The following TMEM144 variants were observed in gnomAD, a reference collection of about 807,000 sequenced individuals.
TMEM144 encodes transmembrane protein 144.
A neutral mutation model predicts 43.6 loss-of-function variants in TMEM144; 39 were observed. The observed-to-expected ratio is 0.90, with a 90% CI of 0.69 to 1.17. The LOEUF (loss-of-function observed/expected upper bound fraction) is 1.17, where lower values mean the gene tolerates loss of function less well. Ranked by LOEUF, TMEM144 falls within the 50% of genes most tolerant of loss-of-function variation. The pLI, the probability that TMEM144 is intolerant of heterozygous loss-of-function variation, is 0.00. For missense variants in TMEM144, 417 were observed against 411.9 expected, an observed-to-expected ratio of 1.01 and a Z score of -0.11; for synonymous variants, 154 against 133.6, an observed-to-expected ratio of 1.15 and a Z score of -1.06.
intron 11 of TMEM144, among the ~76,000 whole-genome samples, chr4:158,244,031 A>AT (rs1440427548): frequency 1.3e-5 from 2 of 152,194 alleles, no homozygotes; most frequent in African/African-American, 4.8e-5. Context: ...TTTATGTCAG[A>AT]TATATTAAAG....
At chr4:158,247,201 A>T (rs929349426) in intron 12 of TMEM144, among the ~76,000 whole-genome samples, 8 of 151,982 alleles carry the variant, frequency 5.3e-5, no homozygotes, top group African/African-American at 1.9e-4. Flanking sequence ...TTAATAAGCT[A>T]GAAATAAAAG....
rs1254875272 is a variant in TMEM144, at chr4:158,217,437, T to C, written c.332+17T>C. 1.3e-6 allele frequency: 2 copies of C among 1,540,384 alleles called. No homozygotes were observed. The highest frequency in any genetic ancestry group is 3.4e-5 in the Admixed American group (2 of 59,492). On this transcript the variant is annotated intron_variant, in intron 5 of 12. Coordinates refer to ENST00000296529, the MANE Select transcript of TMEM144 (RefSeq NM_018342.5). ...AAGCTCAAGGTAATTCAAGTCAAAC[T>C]AGTTCAACTAAGATTTCCTGCATCC...
intron 10 of TMEM144, among the ~76,000 whole-genome samples, chr4:158,240,648 A>G (rs981708430): frequency 6.6e-6 from 1 of 152,208 alleles, no homozygotes; most frequent in Non-Finnish European, 1.5e-5. Flanking sequence ...AATGTTGGCC[A>G]TTATTACAGA....
At position 158,241,499 on chromosome 4, in the gene TMEM144, T is replaced by C. The variant is rs952832707; in HGVS notation, c.803-10T>C. 7 of 1,610,146 alleles carry C rather than the reference T, an allele frequency of 4.3e-6. No homozygotes were observed. The African/African-American group carries it at 6.7e-5, about 15-fold the overall frequency. Reference sequence around the variant, plus strand: ...ATGGTCTGCAAATGTGTGTTGTCTTTGTATTTCAGGATTCCTGTCAGGAGT... The same window carrying C: ...ATGGTCTGCAAATGTGTGTTGTCTTCGTATTTCAGGATTCCTGTCAGGAGT... On this transcript the variant is annotated splice_polypyrimidine_tract_variant and intron_variant, in intron 10 of 12. Coordinates refer to ENST00000296529, the MANE Select transcript of TMEM144 (RefSeq NM_018342.5).
At chr4:158,220,745 T>C (rs1451173947) in intron 6 of TMEM144, among the ~76,000 whole-genome samples, 1 of 152,232 alleles carries the variant, frequency 6.6e-6, no homozygotes, top group Non-Finnish European at 1.5e-5. Flanking sequence ...ACATTTATGT[T>C]CAATTACTGT....
At chr4:158,238,398 G>A (rs1019775239) in intron 9 of TMEM144, among the ~76,000 whole-genome samples, 6 of 152,022 alleles carry the variant, frequency 3.9e-5, no homozygotes, top group Middle Eastern at 3.2e-3. Context: ...AACTTTAACA[G>A]AATGGATAGA....
At chr4:158,233,086 C>G (rs1236649047) in intron 7 of TMEM144, 104 bp downstream of exon 7, 1 of 795,904 alleles carries the variant, frequency 1.3e-6, no homozygotes, top group African/African-American at 1.8e-5. Flanking sequence ...TTGCTCATCA[C>G]TCCTGGCTAT....
In TMEM144 at chr4:158,215,223, A is replaced by G. The variant is rs1211107173; in HGVS notation, c.142A>G (p.Ile48Val). The G allele has an allele frequency of 1.2e-6, 2 of 1,613,812 alleles. No homozygotes were observed. Among genetic ancestry groups the G allele is most frequent in the South Asian group, 2.2e-5 (2 of 91,068 alleles). The change falls in exon 4 of 13, where the codon ATA becomes GTA. Residue 48 changes from isoleucine (I) to valine (V), a missense_variant. Coordinates refer to ENST00000296529, the MANE Select transcript of TMEM144 (RefSeq NM_018342.5). ...TCTCCAGTGGGTTCTTTGTGCTGCC[A>G]TATGGTTGGTTGCCTTGGTTGTCAA... ...MFLQWVLCAAIWLVALVVNLI... is the reference protein window; with the variant it reads ...MFLQWVLCAAVWLVALVVNLI...
At chr4:158,247,229 G>A (rs1265883633) in intron 12 of TMEM144, among the ~76,000 whole-genome samples, 1 of 151,850 alleles carries the variant, frequency 6.6e-6, no homozygotes, top group East Asian at 1.9e-4. Context: ...TAGTGGTACA[G>A]TATGTCTATC....
Position 158,253,570 on chromosome 4 carries a change from C to T in TMEM144, c.*43C>T, listed in dbSNP as rs759850845. 8.5e-5 allele frequency: 126 copies of T among 1,484,996 alleles called. 3 individuals are homozygous for T. The South Asian group carries it at 1.2e-3, about 14-fold the overall frequency. The allele number at this position is 1,484,996 out of a possible 1,614,324, so 92.0% of individuals were successfully genotyped here. ...GGTGGCAGCAGTAGTTAAGAGAACG[C>T]GTCTATCGGACAGCGGAGAGATCAT... On this transcript the variant is annotated 3_prime_UTR_variant, in exon 13 of 13. Transcript: ENST00000296529.
chr4:158,210,659 T>G (rs1733913413), intron 1 of TMEM144, 73 bp downstream of exon 1: 1 of 152,192 alleles, frequency 6.6e-6, no homozygotes, highest in Non-Finnish European at 1.5e-5. Context: ...AGAAACGTGC[T>G]CATGGTTAAA....
chr4:158,217,342 T>C lies in TMEM144; in HGVS notation c.254T>C (p.Ile85Thr). Residue 85 changes from isoleucine (I) to threonine (T), a missense_variant, in exon 5 of 13, where the codon ATT becomes ACT. By Grantham distance (89) the Ile-to-Thr change is moderately conservative (BLOSUM62 -1). Transcript: ENST00000296529. ...WATGNIAVVP[I>T]IKTIGLGLGI... ...ACAGGGAACATTGCTGTTGTCCCAA[T>C]TATCAAAACCATTGGTTTAGGCCTT... is the stretch of plus-strand genomic sequence containing the variant. 1 of 1,612,804 alleles carries C rather than the reference T, an allele frequency of 6.2e-7. No individual in the cohort carries two copies.
At chr4:158,233,807 T>C (rs1049316151) in intron 7 of TMEM144, 2 of 152,236 alleles carry the variant, frequency 1.3e-5, no homozygotes, top group African/African-American at 2.4e-5. Context: ...AAACCTTAGT[T>C]AAATTGACAC....
intron 6 of TMEM144, among the ~76,000 whole-genome samples, chr4:158,226,753 G>A (rs969048619): frequency 3.3e-5 from 5 of 151,074 alleles, no homozygotes; most frequent in South Asian, 2.1e-4. Context: ...CACAACTTTC[G>A]CCGACAATTC....
rs199848999 is a variant in TMEM144 at position 158,235,437 on chromosome 4, G to T, written c.496-1G>T. On this transcript the variant is annotated splice_acceptor_variant, in intron 7 of 12. Transcript: ENST00000296529. LOFTEE classifies it high-confidence loss of function. ...TTAATTTGGGCCAATGTTTTCAATA[G>T]GTGATCAACACAACCCAAGACCCCT... 4 of 1,613,492 alleles carry T rather than the reference G, an allele frequency of 2.5e-6. No homozygotes were observed. Among genetic ancestry groups the T allele is most frequent in the Non-Finnish European group, 3.4e-6 (4 of 1,179,756 alleles).
At chr4:158,218,640 A>G (rs138969765) in intron 5 of TMEM144, among the ~76,000 whole-genome samples, 91 of 152,186 alleles carry the variant, frequency 6.0e-4, no homozygotes, top group African/African-American at 2.1e-3. Context: ...TAACCTAGAA[A>G]TTTTTTAAAA....
intron 6 of TMEM144, 49 bp from the exon 7 acceptor site, chr4:158,232,852 T>C (rs927372190): frequency 1.5e-6 from 2 of 1,290,716 alleles, no homozygotes; most frequent in Non-Finnish European, 1.1e-6. Context: ...AGCAGCTTGA[T>C]ATAAACCAGT....
intron 12 of TMEM144, among the ~76,000 whole-genome samples, chr4:158,250,905 G>A (rs1311844162): frequency 1.3e-5 from 2 of 152,092 alleles, no homozygotes; most frequent in Admixed American, 6.6e-5. Context: ...CCCAAATTTG[G>A]GTAGTGTGAG....
At chr4:158,223,181 C>T (rs1195679575) in intron 6 of TMEM144, among the ~76,000 whole-genome samples, 2 of 152,278 alleles carry the variant, frequency 1.3e-5, no homozygotes, top group South Asian at 2.1e-4. Context: ...TGCTCAGCAC[C>T]CCGTCACCTA....
Sources: allele counts gnomAD v4.1 joint callset (sites outside exome capture counted in the v4.1 genomes callset), GRCh38; gene constraint gnomAD v4.1.1; transcripts MANE v1.5; gene names NCBI Gene and HGNC (gene_info 2026-07-23, HGNC 2026-07-21).